Variants in IQUB observed in about 807,000 individuals in gnomAD.
The protein encoded by IQUB is IQ motif and ubiquitin-like domain-containing protein.
In IQUB, 86 loss-of-function variants were observed where a neutral mutation model predicts 86.4. That is an observed-to-expected ratio of 1.00 (90% confidence interval 0.84 to 1.19). IQUB has a LOEUF of 1.19. Ranked by LOEUF, IQUB falls within the 50% of genes most tolerant of loss-of-function variation. The pLI is 0.00. For synonymous variants in IQUB, 289 were observed against 304.5 expected, an observed-to-expected ratio of 0.95 and a Z score of 0.53; for missense variants, 946 against 916.9, an observed-to-expected ratio of 1.03 and a Z score of -0.41.
intron 6 of IQUB, 126 bp downstream of exon 6, chr7:123,502,471 G>A (rs1795987550): frequency 1.3e-6 from 1 of 765,126 alleles, no homozygotes; most frequent in Non-Finnish European, 2.2e-6. Flanking sequence ...TGTTAGCAGT[G>A]AAATATGACC....
At chr7:123,481,899 G>A (rs1319627813) in intron 7 of IQUB, among the ~76,000 whole-genome samples, 1 of 152,024 alleles carries the variant, frequency 6.6e-6, no homozygotes, top group Non-Finnish European at 1.5e-5. Flanking sequence ...TTTAAAATAT[G>A]AAATGATTAT....
At chr7:123,458,912 T>C (rs1020371171) in intron 11 of IQUB, among the ~76,000 whole-genome samples, 1 of 152,038 alleles carries the variant, frequency 6.6e-6, no homozygotes, top group African/African-American at 2.4e-5. Context: ...TTTTTATATA[T>C]ATTAACTTTC....
intron 2 of IQUB, among the ~76,000 whole-genome samples, chr7:123,510,265 A>T (rs1796360356): frequency 6.6e-6 from 1 of 152,116 alleles, no homozygotes. Flanking sequence ...TAATCTCAAA[A>T]ATTAGCTCTA....
intron 12 of IQUB, among the ~76,000 whole-genome samples, chr7:123,453,904 A>G (rs1419717546): frequency 6.6e-6 from 1 of 152,138 alleles, no homozygotes. Flanking sequence ...AATAAATATA[A>G]TCTATTACCT....
chr7:123,495,234 A>G (rs1182636331), intron 7 of IQUB, among the ~76,000 whole-genome samples: 1 of 152,120 alleles, frequency 6.6e-6, no homozygotes, highest in East Asian at 1.9e-4. Flanking sequence ...CTCAAATACT[A>G]CCATAGTAGT....
rs180949404 is a variant in IQUB at position 123,464,897 on chromosome 7, G to A, written c.1694C>T (p.Ala565Val). 24 of 1,606,240 alleles carry A rather than the reference G, an allele frequency of 1.5e-5. No individual in the cohort carries two copies. Among genetic ancestry groups the A allele is most frequent in the African/African-American group, 6.7e-5 (5 of 74,532 alleles). Residue 565 changes from alanine (A) to valine (V), a missense_variant, in exon 10 of 13, where the codon GCG (alanine) becomes GTG (valine). Transcript: ENST00000324698. The stretch of plus-strand genomic sequence containing the variant: ...TTTGATATAATGAAAAAAGAGTGTC[G>A]CAATTCTTTTTCTGAGTCCTTCAAG... ...HNLEGLRKRI[A>V]TLFFHYIKTP...
intron 8 of IQUB, among the ~76,000 whole-genome samples, chr7:123,471,990 C>T (rs1794542927): frequency 1.3e-5 from 2 of 152,040 alleles, no homozygotes; most frequent in South Asian, 4.1e-4. Context: ...GTAATTTCAG[C>T]ACTTTGGGAG....
intron 8 of IQUB, among the ~76,000 whole-genome samples, chr7:123,470,193 C>T (rs943127855): frequency 6.6e-6 from 1 of 152,218 alleles, no homozygotes; most frequent in Admixed American, 6.5e-5. Context: ...TTTGCCACTG[C>T]TTCTGTTCCC....
At chr7:123,465,731 C>T (rs547924856) in intron 9 of IQUB, among the ~76,000 whole-genome samples, 2 of 152,098 alleles carry the variant, frequency 1.3e-5, no homozygotes, top group East Asian at 3.9e-4. Context: ...GTACTTTGTA[C>T]TACATAGTTG....
At chr7:123,509,219 G>A (rs993596910) in intron 3 of IQUB, among the ~76,000 whole-genome samples, 8 of 152,256 alleles carry the variant, frequency 5.3e-5, no homozygotes, top group African/African-American at 1.9e-4. Context: ...CTGATCAACT[G>A]TAATAGTTAA....
rs529851960 is a variant in IQUB, at chr7:123,461,908, G to A, written c.1759-303C>T. Among the ~76,000 whole-genome samples the A allele has an allele frequency of 3.2e-4, 49 of 151,616 alleles. 1 individual carries two copies. In the South Asian group the frequency reaches 9.9e-3, roughly 31 times the overall value. On this transcript the variant is annotated intron_variant, in intron 10 of 12. Transcript: ENST00000324698. ...TGACTGAAAAAAATAGTAGGAAGAG[G>A]CTTTTTATTGTTAGGAAAATTTAGA...
At chr7:123,453,153 T>C (rs1449115525) in intron 12 of IQUB, among the ~76,000 whole-genome samples, 4 of 151,552 alleles carry the variant, frequency 2.6e-5, no homozygotes, top group Non-Finnish European at 4.4e-5. Context: ...CTGCTAGTTA[T>C]CAACTCAATA....
chr7:123,520,581 T>C lies in IQUB; in HGVS notation c.-4-8237A>G, dbSNP rs538044911. ...AAATGGAGAAATGAGAAGCATCACA[T>C]ATCTGAGGAATAACTAGCTAGTCAA... On this transcript the variant is annotated intron_variant, in intron 1 of 12. Transcript: ENST00000324698. 2.0e-5 allele frequency among the ~76,000 whole-genome samples: 3 copies of C among 152,244 alleles called. No individual in the cohort carries two copies. In the South Asian group the frequency reaches 6.2e-4, roughly 32 times the overall value.
chr7:123,493,836 A>G (rs1312569176), intron 7 of IQUB, among the ~76,000 whole-genome samples: 2 of 150,154 alleles, frequency 1.3e-5, no homozygotes, highest in Non-Finnish European at 3.0e-5. Context: ...TGGTGAATAT[A>G]TATACATATA....
chr7:123,496,826 T>A lies in IQUB; in HGVS notation c.1104A>T (p.Arg368Ser). The part of the protein sequence containing the change: ...VENLRRQKSL[R>S]LEWETQQELR... ...GTTCTTGCTGTGTTTCCCATTCCAG[T>A]CTTAAGCTTTTCTGTCTTCTTAAAT... Residue 368 changes from arginine (R) to serine (S), a missense_variant, in exon 7 of 13, where the codon AGA (arginine) becomes AGT (serine). Coordinates refer to ENST00000324698, the MANE Select transcript of IQUB (RefSeq NM_178827.5). The A allele has an allele frequency of 6.2e-7, 1 of 1,612,890 alleles. No individual in the cohort carries two copies. The highest frequency in any genetic ancestry group is 1.7e-5 in the Admixed American group (1 of 59,908).
intron 11 of IQUB, 134 bp from the exon 12 acceptor site, chr7:123,457,700 C>T (rs1210827643): frequency 1.5e-6 from 1 of 678,834 alleles, no homozygotes. Context: ...TGACACATAG[C>T]CCCTTATTTT....
intron 8 of IQUB, among the ~76,000 whole-genome samples, chr7:123,475,894 G>A (rs914931910): frequency 4.6e-5 from 7 of 152,116 alleles, no homozygotes; most frequent in Non-Finnish European, 7.4e-5. Context: ...TTCAAAAGAT[G>A]ACTCCAGAGA....
At chr7:123,512,404 A>T in intron 1 of IQUB, 60 bp from the exon 2 acceptor site, 1 of 1,015,332 alleles carries the variant, frequency 9.8e-7, no homozygotes. Flanking sequence ...CAAAAAATCA[A>T]ATTCATTGCT....
intron 1 of IQUB, among the ~76,000 whole-genome samples, chr7:123,517,390 G>A (rs1253930887): frequency 6.6e-6 from 1 of 151,644 alleles, no homozygotes; most frequent in Non-Finnish European, 1.5e-5. Context: ...AATTAGCCGG[G>A]CGTTGTGGCA....
Sources: allele counts gnomAD v4.1 joint callset (sites outside exome capture counted in the v4.1 genomes callset), GRCh38; gene constraint gnomAD v4.1.1; transcripts MANE v1.5; gene names NCBI Gene and HGNC (gene_info 2026-07-23, HGNC 2026-07-21).